The following CDH23 variants were observed in gnomAD, a reference collection of about 807,000 sequenced individuals.
The protein encoded by CDH23 is cadherin-23.
A neutral mutation model predicts 317.1 loss-of-function variants in CDH23; 189 were observed. That is an observed-to-expected ratio of 0.60 (90% CI 0.53 to 0.67). CDH23 has a LOEUF of 0.67. Among genes scored for constraint, CDH23 ranks in the 30% least tolerant of loss-of-function variants. The probability of loss-of-function intolerance (pLI) is 0.00; values close to 1 mark genes in which losing one functional copy is unlikely to be tolerated. For missense variants in CDH23, 4,401 were observed against 4,592.4 expected (o/e 0.96, Z 1.20); for synonymous variants, 1,839 against 1,876.8 (o/e 0.98, Z 0.52).
At chr10:71,690,040 A>C (rs1340755425) in intron 19 of CDH23, among the ~76,000 whole-genome samples, 1 of 152,206 alleles carries the variant, frequency 6.6e-6, no homozygotes, top group East Asian at 1.9e-4. Context: ...AACCCTTATA[A>C]ATTCCCCTGA....
At chr10:71,709,270 C>A in intron 27 of CDH23, 59 bp downstream of exon 27, 6 of 1,489,948 alleles carry the variant, frequency 4.0e-6, no homozygotes, top group Non-Finnish European at 5.6e-6. Context: ...ACACAGGGTG[C>A]CTCCCAGGAG....
At position 71,687,687 on chromosome 10, in the gene CDH23, A is replaced by G; in HGVS notation, c.2027A>G (p.Tyr676Cys). ...DNPPTFSKPA[Y>C]FVSVVENIMA... ...CCTCCCACCTTCAGCAAGCCCGCCT[A>G]CTTCGTCTCCGTGGTGGAGAACATC... Residue 676 changes from tyrosine to cysteine, a missense_variant, in exon 19 of 70, where the codon TAC (tyrosine) becomes TGC (cysteine). Physicochemically the swap from Tyr to Cys is radical, Grantham distance 194. This residue lies in a region of CDH23 where 3,068 missense variants were observed against 3,203.3 expected (regional missense o/e 0.96). Transcript: ENST00000224721. 6.2e-7 allele frequency: 1 copy of G among 1,613,718 alleles called. No homozygotes were observed.
chr10:71,645,712 C>A, intron 12 of CDH23, 119 bp from the exon 13 acceptor site: 1 of 1,142,022 alleles, frequency 8.8e-7, no homozygotes, highest in South Asian at 1.3e-5. Context: ...GCGCCTCATC[C>A]ATTGCCCCAA....
intron 11 of CDH23, among the ~76,000 whole-genome samples, chr10:71,632,518 A>G (rs2132556216): frequency 6.6e-6 from 1 of 152,336 alleles, no homozygotes; most frequent in South Asian, 2.1e-4. Context: ...ACGAGGGGTC[A>G]GGACTGCTTA....
intron 14 of CDH23, among the ~76,000 whole-genome samples, chr10:71,673,423 C>T (rs1864229408): frequency 6.6e-6 from 1 of 152,236 alleles, no homozygotes; most frequent in Admixed American, 6.5e-5. Context: ...CATTGATGAC[C>T]ATGATTGTCA....
chr10:71,809,155 GTTTTC>G (rs914495573), intron 60 of CDH23, among the ~76,000 whole-genome samples: 7 of 79,448 alleles, frequency 8.8e-5, no homozygotes, highest in Non-Finnish European at 1.6e-4. Context: ...GGGTTTTGTT[GTTTTC>G]TTTTTCCTTT....
Position 71,439,861 on chromosome 10 carries a change from C to G in CDH23, c.30C>G (p.His10Gln). Residue 10 changes from histidine (H) to glutamine (Q), a missense_variant, in exon 2 of 70, where the codon CAC becomes CAG. This residue lies in a region of CDH23 where 3,068 missense variants were observed against 3,203.3 expected (regional missense o/e 0.96). Coordinates refer to ENST00000224721, the MANE Select transcript of CDH23 (RefSeq NM_022124.6). Reference protein sequence around the residue: MGRHVATSCHVAWLLVLISG... With the variant: MGRHVATSCQVAWLLVLISG... The stretch of plus-strand genomic sequence containing the variant: ...GGCGCCATGTTGCCACCAGCTGCCA[C>G]GTGGCCTGGCTTTTGGTGCTGATCT... The G allele has an allele frequency of 6.4e-7, 1 of 1,573,944 alleles. No individual in the cohort carries two copies. The highest frequency in any genetic ancestry group is 8.6e-7 in the Non-Finnish European group (1 of 1,158,530).
At chr10:71,786,751 G>A (rs1841119586) in intron 44 of CDH23, among the ~76,000 whole-genome samples, 1 of 152,122 alleles carries the variant, frequency 6.6e-6, no homozygotes, top group Non-Finnish European at 1.5e-5. Flanking sequence ...ACCTGCCTCA[G>A]CCTCCCAAAG....
At chr10:71,812,699 G>A in intron 67 of CDH23, 69 bp from the exon 68 acceptor site, 1 of 1,612,068 alleles carries the variant, frequency 6.2e-7, no homozygotes, top group African/African-American at 1.3e-5. Flanking sequence ...GTTCTTTAAG[G>A]GGTGGCCCCC....
At chr10:71,607,425 G>A (rs537289375) in intron 9 of CDH23, among the ~76,000 whole-genome samples, 6 of 152,382 alleles carry the variant, frequency 3.9e-5, no homozygotes, top group Non-Finnish European at 7.3e-5. Flanking sequence ...TCTGTAAAAT[G>A]AGGATAGTGT....
At chr10:71,581,806 T>G (rs901116922) in intron 9 of CDH23, among the ~76,000 whole-genome samples, 1 of 152,210 alleles carries the variant, frequency 6.6e-6, no homozygotes, top group African/African-American at 2.4e-5. Context: ...CCCAAAGGAC[T>G]GCCCAGCCTG....
At chr10:71,721,704 G>A (rs1422444546) in intron 28 of CDH23, among the ~76,000 whole-genome samples, 5 of 152,146 alleles carry the variant, frequency 3.3e-5, no homozygotes, top group African/African-American at 7.2e-5. Context: ...CGAGGCCAGC[G>A]CCTGCTACAG....
intron 3 of CDH23, among the ~76,000 whole-genome samples, chr10:71,497,923 G>A (rs1263333949): frequency 1.3e-5 from 2 of 152,134 alleles, no homozygotes; most frequent in Admixed American, 6.5e-5. Context: ...TGTGTGCATC[G>A]TGTGTCACTG....
chr10:71,588,438 A>T (rs1859235119), intron 9 of CDH23, among the ~76,000 whole-genome samples: 1 of 152,182 alleles, frequency 6.6e-6, no homozygotes, highest in Admixed American at 6.5e-5. Context: ...TAAGCGTCAG[A>T]TGAGTTAATA....
At chr10:71,432,542 G>A (rs1849444652) in intron 1 of CDH23, among the ~76,000 whole-genome samples, 1 of 151,754 alleles carries the variant, frequency 6.6e-6, no homozygotes, top group Admixed American at 6.6e-5. Context: ...GTGTGAGAGA[G>A]TGTGTGTGTG....
rs376453794 is a variant in CDH23, at chr10:71,793,458, C to T, written c.6530C>T (p.Pro2177Leu). 23 of 1,613,886 alleles carry T rather than the reference C, an allele frequency of 1.4e-5. No individual in the cohort carries two copies. The African/African-American group carries it at 2.8e-4, about 20-fold the overall frequency. The change falls in exon 48 of 70, where the codon CCC becomes CTC. Residue 2177 changes from proline (P) to leucine (L), a missense_variant. Transcript: ENST00000224721. ...INDSRPEFLNPIQTVSVLESA... is the reference protein window; with the variant it reads ...INDSRPEFLNLIQTVSVLESA... ...GACTCCCGCCCCGAGTTCCTCAACC[C>T]CATCCAGACAGTGAGCGTGCTGGAG...
intron 12 of CDH23, chr10:71,645,613 AAG>A: frequency 1.3e-6 from 1 of 742,702 alleles, no homozygotes. Flanking sequence ...AAGGAAGGAA[AAG>A]AGAGCCAGAG....
At chr10:71,689,929 G>C (rs1389117461) in intron 19 of CDH23, among the ~76,000 whole-genome samples, 3 of 152,176 alleles carry the variant, frequency 2.0e-5, no homozygotes, top group African/African-American at 7.2e-5. Flanking sequence ...TGTTCTCAGG[G>C]TCTGGACAGG....
chr10:71,734,737 C>A (rs1839507617), intron 34 of CDH23, 79 bp downstream of exon 34: 2 of 910,528 alleles, frequency 2.2e-6, no homozygotes, highest in Non-Finnish European at 3.3e-6. Flanking sequence ...GGCCCTGGAC[C>A]TTCCCACCTC....
Sources: allele counts gnomAD v4.1 joint callset (sites outside exome capture counted in the v4.1 genomes callset), GRCh38; gene constraint gnomAD v4.1.1; regional missense constraint gnomAD v4.1.1; transcripts MANE v1.5; gene names NCBI Gene and HGNC (gene_info 2026-07-23, HGNC 2026-07-21).